Variants in B3GALT1 observed in about 807,000 individuals in gnomAD.
B3GALT1 encodes UDP-Gal:betaGlcNAc beta 1,3-galactosyltransferase, polypeptide 1.
A neutral mutation model predicts 23.2 loss-of-function variants in B3GALT1; 10 were observed. The observed-to-expected ratio is 0.43, with a 90% CI of 0.27 to 0.73. The LOEUF (loss-of-function observed/expected upper bound fraction) is 0.73, where lower values mean the gene tolerates loss of function less well. Among genes scored for constraint, B3GALT1 ranks in the 30% least tolerant of loss-of-function variants. The pLI is 0.21. For synonymous variants in B3GALT1, 156 were observed against 141.5 expected, an observed-to-expected ratio of 1.10 and a Z score of -0.73; for missense variants, 299 against 405.4, an observed-to-expected ratio of 0.74 and a Z score of 2.25.
intron 3 of B3GALT1, among the ~76,000 whole-genome samples, chr2:167,662,128 AAAC>A (rs917007784): frequency 5.9e-5 from 9 of 151,868 alleles, no homozygotes; most frequent in African/African-American, 2.2e-4. Context: ...CAACAAAGAG[AAAC>A]AACAAATTCT....
chr2:167,652,966 G>T (rs1021567366), intron 3 of B3GALT1, among the ~76,000 whole-genome samples: 1 of 152,040 alleles, frequency 6.6e-6, no homozygotes, highest in Admixed American at 6.6e-5. Flanking sequence ...GTGTACATAC[G>T]TGTGTGTCTT....
chr2:167,686,853 G>A (rs769568404), intron 3 of B3GALT1, among the ~76,000 whole-genome samples: 22 of 152,096 alleles, frequency 1.4e-4, no homozygotes, highest in Non-Finnish European at 2.9e-4. Context: ...TCTCTCTGCC[G>A]TGCTCATTCC....
At chr2:167,391,247 G>A (rs139197571) in intron 1 of B3GALT1, among the ~76,000 whole-genome samples, 3 of 152,306 alleles carry the variant, frequency 2.0e-5, no homozygotes, top group African/African-American at 4.8e-5. Flanking sequence ...CTGGATAACA[G>A]TACATTTATG....
At chr2:167,718,276 T>C (rs1429660116) in intron 3 of B3GALT1, among the ~76,000 whole-genome samples, 1 of 139,638 alleles carries the variant, frequency 7.2e-6, no homozygotes, top group East Asian at 2.2e-4. Context: ...TCCAAATTGG[T>C]TCATAAACAA....
At position 167,743,187 on chromosome 2, in the gene B3GALT1, C is replaced by CT. The variant is rs1345372406; in HGVS notation, c.-351-75479dup. Among the ~76,000 whole-genome samples the CT allele has an allele frequency of 5.9e-5, 9 of 151,984 alleles. No homozygotes were observed. In the East Asian group the frequency reaches 1.5e-3, roughly 26 times the overall value. On this transcript the variant is annotated intron_variant, in intron 3 of 4. Coordinates refer to ENST00000392690, the MANE Select transcript of B3GALT1 (RefSeq NM_020981.4). The stretch of plus-strand genomic sequence containing the variant: ...CAAACTCCTACTAATAGATTTTTTC[C>CT]TTTTTTGTTATAACAAGCAATATAT...
intron 1 of B3GALT1, among the ~76,000 whole-genome samples, chr2:167,371,211 A>C (rs1697679592): frequency 1.3e-5 from 2 of 151,940 alleles, no homozygotes; most frequent in Non-Finnish European, 2.9e-5. Context: ...TATCACTGCT[A>C]TCCCCAATGC....
intron 1 of B3GALT1, among the ~76,000 whole-genome samples, chr2:167,422,012 A>G (rs1698552511): frequency 6.7e-6 from 1 of 149,008 alleles, no homozygotes; most frequent in Non-Finnish European, 1.5e-5. Flanking sequence ...GGTGTTTGGA[A>G]ATGGGGCCTC....
chr2:167,749,085 TTAGAAC>T (rs1270438131), intron 3 of B3GALT1, among the ~76,000 whole-genome samples: 1 of 152,172 alleles, frequency 6.6e-6, no homozygotes, highest in African/African-American at 2.4e-5. Flanking sequence ...AGGGTTGGCC[TTAGAAC>T]TAGCTTCAAC....
At chr2:167,360,275 A>G (rs554863145) in intron 1 of B3GALT1, among the ~76,000 whole-genome samples, 5 of 152,222 alleles carry the variant, frequency 3.3e-5, no homozygotes, top group African/African-American at 1.2e-4. Flanking sequence ...CCAAGTGTAT[A>G]GTAAGCAACT....
At chr2:167,556,741 T>A (rs563839681) in intron 2 of B3GALT1, among the ~76,000 whole-genome samples, 36 of 152,316 alleles carry the variant, frequency 2.4e-4, no homozygotes, top group African/African-American at 8.4e-4. Flanking sequence ...AAATGTTCGT[T>A]CACTGCAACT....
At chr2:167,427,013 TATTATATAGCAATGA>T (rs1698632183) in intron 1 of B3GALT1, among the ~76,000 whole-genome samples, 2 of 152,202 alleles carry the variant, frequency 1.3e-5, no homozygotes, top group Non-Finnish European at 2.9e-5. Context: ...TAGAGTAGAA[TATTATATAGCAATGA>T]AAGTTAAAGA....
At chr2:167,786,568 G>C (rs1263146363) in intron 3 of B3GALT1, among the ~76,000 whole-genome samples, 1 of 152,156 alleles carries the variant, frequency 6.6e-6, no homozygotes, top group Non-Finnish European at 1.5e-5. Context: ...ATAGTTACGA[G>C]ACAGGCTGTA....
intron 1 of B3GALT1, among the ~76,000 whole-genome samples, chr2:167,392,429 A>G (rs1484152234): frequency 1.3e-5 from 2 of 152,156 alleles, no homozygotes; most frequent in Admixed American, 6.5e-5. Context: ...ATCATACAAT[A>G]TATATAAAAC....
intron 4 of B3GALT1, among the ~76,000 whole-genome samples, chr2:167,834,450 A>G (rs1258772208): frequency 6.6e-6 from 1 of 152,190 alleles, no homozygotes; most frequent in Non-Finnish European, 1.5e-5. Flanking sequence ...CTTGAAAGCC[A>G]TTGTGGTCTC....
chr2:167,426,064 C>G (rs1239809346), intron 1 of B3GALT1, among the ~76,000 whole-genome samples: 1 of 152,102 alleles, frequency 6.6e-6, no homozygotes, highest in East Asian at 1.9e-4. Context: ...AAAATATCCT[C>G]CATATACAAT....
At chr2:167,723,513 A>C (rs558167180) in intron 3 of B3GALT1, among the ~76,000 whole-genome samples, 1 of 150,358 alleles carries the variant, frequency 6.7e-6, no homozygotes, top group South Asian at 2.1e-4. Flanking sequence ...TTCTCAATTT[A>C]TTTTCTTTCT....
chr2:167,565,665 AAAAC>A (rs1218060785), intron 2 of B3GALT1, among the ~76,000 whole-genome samples: 1 of 152,090 alleles, frequency 6.6e-6, no homozygotes, highest in African/African-American at 2.4e-5. Context: ...TTACAAGAAA[AAAAC>A]AACCCCATCA....
intron 1 of B3GALT1, among the ~76,000 whole-genome samples, chr2:167,346,754 G>T (rs1171699036): frequency 1.3e-5 from 2 of 149,994 alleles, no homozygotes; most frequent in Admixed American, 1.3e-4. Context: ...GTGGGGGGGG[G>T]GTGGTGCGTG....
In B3GALT1 at chr2:167,714,514, C is replaced by T. The variant is rs1456858989; in HGVS notation, c.-352+67548C>T. On this transcript the variant is annotated intron_variant, in intron 3 of 4. Coordinates refer to ENST00000392690, the MANE Select transcript of B3GALT1 (RefSeq NM_020981.4). The stretch of plus-strand genomic sequence containing the variant: ...GACCCAACGGTGAGGGACCATATGG[C>T]GAACGCTCTCTGCCAAATGTTGTAT... The T allele has an allele frequency of 5.9e-5, 95 of 1,611,446 alleles. 1 individual carries two copies. The highest frequency in any genetic ancestry group is 3.2e-4 in the Admixed American group (19 of 59,988).
Sources: gnomAD v4.1 joint callset for allele counts (sites outside exome capture counted in the v4.1 genomes callset) on GRCh38, gnomAD v4.1.1 for gene constraint, MANE v1.5 for transcripts, NCBI Gene and HGNC (gene_info 2026-07-23, HGNC 2026-07-21) for gene names.